The following POLA1 variants were observed in gnomAD, a reference collection of about 807,000 sequenced individuals.
The protein encoded by POLA1 is DNA polymerase alpha 1, catalytic subunit.
POLA1 carries 15 observed loss-of-function variants against 124.0 expected under a neutral mutation model. That is an observed-to-expected ratio of 0.12 (90% CI 0.08 to 0.19). The LOEUF is 0.19. Among genes scored for constraint, POLA1 ranks in the 10% least tolerant of loss-of-function variants. The pLI is 1.00. For missense variants in POLA1, 886 were observed against 1,103.4 expected, an observed-to-expected ratio of 0.80 and a Z score of 2.79; for synonymous variants, 408 against 389.4, an observed-to-expected ratio of 1.05 and a Z score of -0.56.
intron 35 of POLA1, among the ~76,000 whole-genome samples, chrX:24,905,419 G>C (rs1298238663): frequency 4.3e-5 from 4 of 93,197 alleles, no homozygotes; most frequent in Non-Finnish European, 4.3e-5. Context: ...TTGCTGGGGT[G>C]GGGGGGTGGG....
chrX:24,787,896 G>A (rs775512522), intron 26 of POLA1, among the ~76,000 whole-genome samples: 1 of 111,838 alleles, frequency 8.9e-6, no homozygotes, highest in African/African-American at 3.2e-5. Context: ...AGCCAGATAA[G>A]GATGCTACAA....
chrX:24,938,016 A>T (rs1476838074), intron 36 of POLA1, among the ~76,000 whole-genome samples: 2 of 112,867 alleles, frequency 1.8e-5, no homozygotes, highest in Non-Finnish European at 3.7e-5. Flanking sequence ...GCCAAAAAGC[A>T]TGAGTTCTTC....
At chrX:24,733,276 A>G (rs1452512143) in intron 16 of POLA1, among the ~76,000 whole-genome samples, 3 of 112,384 alleles carry the variant, frequency 2.7e-5, no homozygotes, top group Non-Finnish European at 3.7e-5. Flanking sequence ...AATATGTAGA[A>G]GAGAGCAATC....
At chrX:24,992,244 T>G (rs1289391248) in intron 36 of POLA1, among the ~76,000 whole-genome samples, 1 of 111,531 alleles carries the variant, frequency 9.0e-6, no homozygotes, top group Non-Finnish European at 1.9e-5. Flanking sequence ...TTTCAAATTT[T>G]TCTAAAGCTT....
At chrX:24,939,094 T>C (rs2047884927) in intron 36 of POLA1, among the ~76,000 whole-genome samples, 1 of 112,308 alleles carries the variant, frequency 8.9e-6, no homozygotes, top group Non-Finnish European at 1.9e-5. Context: ...TTTCGCATTA[T>C]GTCTTTTTAG....
At chrX:24,709,267 ACGG>A (rs1366655278) in intron 4 of POLA1, among the ~76,000 whole-genome samples, 1 of 88,730 alleles carries the variant, frequency 1.1e-5, no homozygotes, top group African/African-American at 4.9e-5. Context: ...TCCCTCCCGG[ACGG>A]CACGGCTGGC....
chrX:24,697,654 T>G (rs1928109488), intron 1 of POLA1, among the ~76,000 whole-genome samples: 1 of 112,115 alleles, frequency 8.9e-6, no homozygotes, highest in South Asian at 3.7e-4. Flanking sequence ...TTGGTACATG[T>G]TCTTTAAATT....
rs774313896 is a variant in POLA1 at position 24,882,550 on chromosome X, T to C, written c.4048-5456T>C. 3.6e-5 allele frequency among the ~76,000 whole-genome samples: 4 copies of C among 111,530 alleles called. No homozygotes were observed. The Admixed American group carries it at 3.8e-4, about 11-fold the overall frequency. ...GTACCCAATGTTTAGCTCCCACTTA[T>C]AAGTGAGAACATGTGGTATTTGGTT... On this transcript the variant is annotated intron_variant, in intron 34 of 36. Coordinates refer to ENST00000379068, the MANE Select transcript of POLA1 (RefSeq NM_001330360.2).
intron 36 of POLA1, among the ~76,000 whole-genome samples, chrX:24,952,982 T>C (rs993459054): frequency 8.9e-6 from 1 of 112,439 alleles, no homozygotes; most frequent in African/African-American, 3.2e-5. Flanking sequence ...TAAATAAGAA[T>C]AAAATAAACA....
intron 35 of POLA1, among the ~76,000 whole-genome samples, chrX:24,901,944 G>A (rs1318512676): frequency 9.0e-6 from 1 of 111,566 alleles, no homozygotes; most frequent in African/African-American, 3.3e-5. Flanking sequence ...TCAGCTCACA[G>A]TCTAGCCAAT....
At chrX:24,947,242 G>C (rs1197536661) in intron 36 of POLA1, among the ~76,000 whole-genome samples, 1 of 54,545 alleles carries the variant, frequency 1.8e-5, no homozygotes, top group East Asian at 7.0e-4. Context: ...TTTCCCTGCA[G>C]ATTCTTTTTT....
chrX:24,936,540 G>GT (rs1192354929), intron 36 of POLA1, among the ~76,000 whole-genome samples: 27 of 109,445 alleles, frequency 2.5e-4, no homozygotes, highest in Middle Eastern at 4.7e-3. Flanking sequence ...CTGTTTTTTG[G>GT]TTTTTTTTTG....
intron 36 of POLA1, among the ~76,000 whole-genome samples, chrX:24,933,712 A>G (rs1368297637): frequency 3.6e-5 from 4 of 112,380 alleles, no homozygotes; most frequent in African/African-American, 1.3e-4. Context: ...AAACTTGGCA[A>G]TTTGACTTAG....
At chrX:24,925,689 T>C (rs921468868) in intron 35 of POLA1, among the ~76,000 whole-genome samples, 3 of 111,988 alleles carry the variant, frequency 2.7e-5, no homozygotes, top group Non-Finnish European at 1.9e-5. Context: ...ATGATACATA[T>C]TAATATGTGC....
intron 34 of POLA1, among the ~76,000 whole-genome samples, chrX:24,867,482 G>A (rs1230391814): frequency 9.0e-6 from 1 of 111,351 alleles, no homozygotes; most frequent in African/African-American, 3.3e-5. Flanking sequence ...TTAATTTAAT[G>A]TGTTTGTTCT....
At chrX:24,733,719 G>T in intron 16 of POLA1, 36 bp from the exon 17 acceptor site, 1 of 750,248 alleles carries the variant, frequency 1.3e-6, no homozygotes, top group South Asian at 2.6e-5. Flanking sequence ...AGACTAAGAT[G>T]GGTGTTGGAA....
At chrX:24,856,326 G>A (rs1048938260) in intron 34 of POLA1, among the ~76,000 whole-genome samples, 1 of 111,796 alleles carries the variant, frequency 8.9e-6, no homozygotes, top group Non-Finnish European at 1.9e-5. Flanking sequence ...CTTTCCCTTG[G>A]TTCATTCCTT....
At chrX:24,731,940 A>G (rs894723218) in intron 15 of POLA1, among the ~76,000 whole-genome samples, 4 of 112,048 alleles carry the variant, frequency 3.6e-5, no homozygotes, top group Non-Finnish European at 7.5e-5. Flanking sequence ...ACATATTTTT[A>G]TAATAAAAAG....
chrX:24,983,424 A>C (rs904354406), intron 36 of POLA1, among the ~76,000 whole-genome samples: 1 of 112,449 alleles, frequency 8.9e-6, no homozygotes, highest in Non-Finnish European at 1.9e-5. Context: ...TGTACATGAC[A>C]CCCAGTCAGT....
Sources: allele counts gnomAD v4.1 joint callset (sites outside exome capture counted in the v4.1 genomes callset), GRCh38; gene constraint gnomAD v4.1.1; transcripts MANE v1.5; gene names NCBI Gene and HGNC (gene_info 2026-07-23, HGNC 2026-07-21).